The following NREP variants were observed in gnomAD, a reference collection of about 807,000 sequenced individuals.
The protein encoded by NREP is neuronal regeneration related protein, also known as neuronal regeneration-related protein.
A neutral mutation model predicts 8.6 loss-of-function variants in NREP; 5 were observed. The observed-to-expected ratio is 0.58, with a 90% CI of 0.30 to 1.22. The LOEUF (loss-of-function observed/expected upper bound fraction) is 1.22. Ranked by LOEUF, NREP falls within the 50% of genes most tolerant of loss-of-function variation. The probability of loss-of-function intolerance (pLI) is 0.07; values close to 1 mark genes in which losing one functional copy is unlikely to be tolerated. For synonymous variants in NREP, 27 were observed against 28.0 expected (o/e 0.96, Z 0.11); for missense variants, 86 against 82.5 (o/e 1.04, Z -0.17).
intron 2 of NREP, among the ~76,000 whole-genome samples, chr5:111,771,606 T>C (rs1193723541): frequency 2.0e-5 from 3 of 151,846 alleles, no homozygotes; most frequent in African/African-American, 7.3e-5. Context: ...CTACTAAAAA[T>C]ACAAAAATTA....
At chr5:111,938,696 T>C (rs1755750707) in intron 2 of NREP, among the ~76,000 whole-genome samples, 1 of 152,020 alleles carries the variant, frequency 6.6e-6, no homozygotes, top group African/African-American at 2.4e-5. Flanking sequence ...TTGTAAACTT[T>C]AAATGCCTTC....
At chr5:111,873,313 C>T (rs1753831173) in intron 2 of NREP, among the ~76,000 whole-genome samples, 1 of 152,096 alleles carries the variant, frequency 6.6e-6, no homozygotes, top group Non-Finnish European at 1.5e-5. Context: ...TTACCATAAA[C>T]TTATGGACTG....
At chr5:111,785,750 G>T (rs1751594485) in intron 2 of NREP, among the ~76,000 whole-genome samples, 2 of 152,118 alleles carry the variant, frequency 1.3e-5, no homozygotes, top group Non-Finnish European at 2.9e-5. Context: ...ATTAGATTGG[G>T]GGAAATATCA....
chr5:111,809,511 G>T (rs555514150), intron 2 of NREP, among the ~76,000 whole-genome samples: 5 of 152,194 alleles, frequency 3.3e-5, no homozygotes, highest in African/African-American at 1.2e-4. Flanking sequence ...AGTAGTGAGA[G>T]AGTTCTCTCT....
At chr5:111,890,621 A>G (rs1754370652) in intron 2 of NREP, among the ~76,000 whole-genome samples, 2 of 152,240 alleles carry the variant, frequency 1.3e-5, no homozygotes, top group Admixed American at 6.5e-5. Flanking sequence ...CCAAGCCTCA[A>G]TTGTTGTACT....
intron 2 of NREP, among the ~76,000 whole-genome samples, chr5:111,901,536 G>C (rs1116412): frequency 0.14 from 20,923 of 152,034 alleles, 1,814 homozygotes; most frequent in Non-Finnish European, 0.19. Context: ...CCTCTTGGCA[G>C]ATGACATGAT....
intron 3 of NREP, chr5:111,734,962 C>A: frequency 7.5e-6 from 3 of 399,612 alleles, no homozygotes; most frequent in African/African-American, 2.1e-5. Flanking sequence ...AATGAAACCA[C>A]GTTTATAAAA....
chr5:111,769,956 A>T (rs956224014), intron 2 of NREP, among the ~76,000 whole-genome samples: 1 of 152,202 alleles, frequency 6.6e-6, no homozygotes, highest in African/African-American at 2.4e-5. Flanking sequence ...TTCCTATCAG[A>T]GGCAGAAAGT....
At chr5:111,792,132 T>C (rs1235892781) in intron 2 of NREP, among the ~76,000 whole-genome samples, 1 of 152,216 alleles carries the variant, frequency 6.6e-6, no homozygotes, top group Non-Finnish European at 1.5e-5. Context: ...ATATGTATAT[T>C]TTGACAGGCT....
At chr5:111,827,663 G>A (rs534923148) in intron 2 of NREP, among the ~76,000 whole-genome samples, 46 of 152,256 alleles carry the variant, frequency 3.0e-4, no homozygotes, top group African/African-American at 7.5e-4. Context: ...CCAACATGGC[G>A]AAACCTTGTC....
chr5:111,811,709 G>T (rs189969061), intron 2 of NREP, among the ~76,000 whole-genome samples: 33 of 152,208 alleles, frequency 2.2e-4, no homozygotes, highest in African/African-American at 7.2e-4. Flanking sequence ...CTTTTGTTCA[G>T]AACTAATGTT....
intron 2 of NREP, among the ~76,000 whole-genome samples, chr5:111,955,683 TA>T (rs570281134): frequency 7.4e-4 from 112 of 152,046 alleles, no homozygotes; most frequent in African/African-American, 2.4e-3. Flanking sequence ...AAATACTAAG[TA>T]AAATGTGTTA....
intron 2 of NREP, among the ~76,000 whole-genome samples, chr5:111,950,820 A>G (rs1363253100): frequency 6.6e-6 from 1 of 152,004 alleles, no homozygotes; most frequent in East Asian, 1.9e-4. Context: ...TCATCACCCT[A>G]GGGACTTTTA....
chr5:111,943,287 C>T (rs541293715), intron 2 of NREP, among the ~76,000 whole-genome samples: 1 of 152,164 alleles, frequency 6.6e-6, no homozygotes, highest in East Asian at 1.9e-4. Flanking sequence ...ACTCCCTATA[C>T]ATCTTCTTGC....
At chr5:111,862,794 A>G (rs1356677655) in intron 2 of NREP, among the ~76,000 whole-genome samples, 1 of 151,802 alleles carries the variant, frequency 6.6e-6, no homozygotes, top group Non-Finnish European at 1.5e-5. Context: ...TTATTTGCTT[A>G]TAATTGTGGT....
chr5:111,824,751 T>C (rs764649717), intron 2 of NREP, among the ~76,000 whole-genome samples: 2 of 152,214 alleles, frequency 1.3e-5, no homozygotes, highest in Admixed American at 6.5e-5. Flanking sequence ...TAGAATTCCA[T>C]ACGTATTTTT....
intron 2 of NREP, among the ~76,000 whole-genome samples, chr5:111,857,923 C>G (rs1048534241): frequency 2.6e-5 from 4 of 151,422 alleles, no homozygotes; most frequent in Non-Finnish European, 1.5e-5. Flanking sequence ...AAGTGGGAGT[C>G]TCTTTCAATA....
chr5:111,942,457 C>A (rs1017897448), intron 2 of NREP, among the ~76,000 whole-genome samples: 1 of 152,010 alleles, frequency 6.6e-6, no homozygotes, highest in African/African-American at 2.4e-5. Context: ...TTGCCTGCAT[C>A]ATACTAACTA....
intron 2 of NREP, among the ~76,000 whole-genome samples, chr5:111,927,165 G>A (rs1178302839): frequency 6.6e-6 from 1 of 152,016 alleles, no homozygotes; most frequent in Non-Finnish European, 1.5e-5. Context: ...TGACATTCCT[G>A]GTGTGTGGTG....
Sources: allele counts gnomAD v4.1 joint callset (sites outside exome capture counted in the v4.1 genomes callset), GRCh38; gene constraint gnomAD v4.1.1; transcripts MANE v1.5; gene names NCBI Gene and HGNC (gene_info 2026-07-23, HGNC 2026-07-21).